Variants in TANK observed in about 807,000 individuals in gnomAD.
TANK encodes TRAF family member-associated NF-kappa-B activator.
In TANK, 15 loss-of-function variants were observed where a neutral mutation model predicts 43.6. That is an observed-to-expected ratio of 0.34 (90% CI 0.23 to 0.53). The LOEUF (loss-of-function observed/expected upper bound fraction) is 0.53, where lower values mean the gene tolerates loss of function less well. TANK is among the 20% of genes least tolerant of loss of function. The probability of loss-of-function intolerance (pLI) is 0.94; values close to 1 mark genes in which losing one functional copy is unlikely to be tolerated. For synonymous variants in TANK, 162 were observed against 178.2 expected (o/e 0.91, Z 0.73); for missense variants, 417 against 498.6 (o/e 0.84, Z 1.56).
chr2:161,232,645 GT>G, intron 7 of TANK: 1 of 1,376,396 alleles, frequency 7.3e-7, no homozygotes, highest in East Asian at 2.6e-5. Context: ...TTTATTGCAA[GT>G]AGAATTCCTG....
intron 3 of TANK, among the ~76,000 whole-genome samples, chr2:161,204,358 G>A (rs1385554205): frequency 6.6e-5 from 10 of 152,198 alleles, no homozygotes; most frequent in Middle Eastern, 6.8e-3. Context: ...AATAAGAAAC[G>A]CATACCTGAA....
intron 1 of TANK, chr2:161,161,034 C>G: frequency 1.8e-6 from 1 of 545,698 alleles, no homozygotes; most frequent in Non-Finnish European, 3.2e-6. Context: ...CAGAGGGTCA[C>G]GGAGGGAGTG....
Position 161,183,386 on chromosome 2 carries a change from A to G in TANK, c.99+3625A>G, listed in dbSNP as rs528311567. Among the ~76,000 whole-genome samples, 5 of 152,284 alleles carry G rather than the reference A, an allele frequency of 3.3e-5. No homozygotes were observed. The East Asian group carries it at 5.8e-4, about 18-fold the overall frequency. ...TTTTTTTTCAGTTCAGGTTTAAGACATAACTACTTTTGTAGAAAGCAAAAA... is the reference window on the plus strand; with the variant it reads ...TTTTTTTTCAGTTCAGGTTTAAGACGTAACTACTTTTGTAGAAAGCAAAAA... On this transcript the variant is annotated intron_variant, in intron 2 of 7. Coordinates refer to ENST00000392749, the MANE Select transcript of TANK (RefSeq NM_001199135.3).
chr2:161,201,000 C>A, intron 2 of TANK: 1 of 592,180 alleles, frequency 1.7e-6, no homozygotes, highest in Non-Finnish European at 2.1e-6. Flanking sequence ...GGAGGAAATA[C>A]TCTCTACCCT....
At chr2:161,230,017 G>C (rs1687829285) in intron 6 of TANK, among the ~76,000 whole-genome samples, 1 of 152,084 alleles carries the variant, frequency 6.6e-6, no homozygotes, top group Admixed American at 6.6e-5. Context: ...CAGCTTCTTT[G>C]TCTTTCTTAT....
intron 4 of TANK, chr2:161,207,336 C>T: frequency 8.7e-6 from 8 of 922,114 alleles, no homozygotes; most frequent in Non-Finnish European, 1.0e-5. Flanking sequence ...AGCGAGTTCT[C>T]TTAATTATCT....
chr2:161,213,395 G>A (rs898262134), intron 4 of TANK, among the ~76,000 whole-genome samples: 30 of 152,206 alleles, frequency 2.0e-4, no homozygotes, highest in African/African-American at 7.2e-4. Context: ...TTGAGGTCAG[G>A]AGTTTGAGAC....
intron 4 of TANK, among the ~76,000 whole-genome samples, chr2:161,206,305 C>T (rs187621608): frequency 4.1e-4 from 63 of 152,004 alleles, no homozygotes; most frequent in Non-Finnish European, 6.9e-4. Context: ...TTTAGTGGGA[C>T]GATACATATT....
chr2:161,203,725 T>C, intron 3 of TANK, 130 bp downstream of exon 3: 1 of 591,992 alleles, frequency 1.7e-6, no homozygotes, highest in East Asian at 2.9e-5. Context: ...GGTACAGTTA[T>C]ATGTTATGTT....
Position 161,143,142 on chromosome 2 carries a change from G to A in TANK, c.-50+6079G>A, listed in dbSNP as rs138280809. Among the ~76,000 whole-genome samples, 89 of 152,070 alleles carry A rather than the reference G, an allele frequency of 5.9e-4. 3 individuals carry two copies. The East Asian group carries it at 0.017, about 28-fold the overall frequency. On this transcript the variant is annotated intron_variant, in intron 1 of 7. Transcript: ENST00000259075. ...TCTGCTTGTCTATTATTGGTGTATA[G>A]GAATGCTTGTGATTTTTGCACACTG...
Position 161,236,177 on chromosome 2 carries a change from T to C in TANK, c.*659T>C, listed in dbSNP as rs191328664. The C allele has an allele frequency of 4.0e-5, 6 of 150,238 alleles. No homozygotes were observed. Among genetic ancestry groups the C allele is most frequent in the African/African-American group, 7.3e-5 (3 of 40,842 alleles). 9.3% of individuals were successfully genotyped at this position (150,238 alleles called of 1,614,324 possible). On this transcript the variant is annotated 3_prime_UTR_variant, in exon 8 of 8. Transcript: ENST00000392749. ...TTAATTAAATATTAAGAGGTACTTATGTTGTGATCATTTGTATGTCCTTTG... is the reference window on the plus strand; with the variant it reads ...TTAATTAAATATTAAGAGGTACTTACGTTGTGATCATTTGTATGTCCTTTG...
At chr2:161,184,028 G>C (rs1279865322) in intron 2 of TANK, among the ~76,000 whole-genome samples, 1 of 152,010 alleles carries the variant, frequency 6.6e-6, no homozygotes, top group East Asian at 1.9e-4. Context: ...AATGTGAGTC[G>C]ATACTTGAGC....
intron 4 of TANK, chr2:161,216,517 A>G (rs1189367527): frequency 7.1e-6 from 3 of 424,842 alleles, no homozygotes; most frequent in South Asian, 3.5e-5. Flanking sequence ...TTTTTGATAA[A>G]TGTTCATTCC....
intron 2 of TANK, among the ~76,000 whole-genome samples, chr2:161,196,350 A>T (rs1686148467): frequency 6.6e-6 from 1 of 152,132 alleles, no homozygotes; most frequent in Admixed American, 6.5e-5. Flanking sequence ...TAGAAGAGAG[A>T]TCTAAGCTAG....
chr2:161,137,256 G>A (rs1291086336), intron 1 of TANK: 3 of 984,846 alleles, frequency 3.0e-6, no homozygotes, highest in Admixed American at 6.2e-5. Context: ...GGACGTGGTG[G>A]GTCATGCCTA....
chr2:161,181,549 A>T (rs1231651306), intron 2 of TANK, among the ~76,000 whole-genome samples: 7 of 152,202 alleles, frequency 4.6e-5, no homozygotes, highest in Non-Finnish European at 8.8e-5. Context: ...GGAAACTTAC[A>T]ATCATGGCAG....
rs528012756 is a variant in TANK at position 161,171,892 on chromosome 2, C to T, written c.-49-7722C>T. Among the ~76,000 whole-genome samples, 3 of 152,238 alleles carry T rather than the reference C, an allele frequency of 2.0e-5. 1 individual carries two copies. The highest frequency in any genetic ancestry group is 4.1e-4 in the South Asian group (2 of 4,824). ...GTTTTGGGGGACCTTTTTGAGATTA[C>T]TGAAAATATTTTTTTTCAAACTTTT... On this transcript the variant is annotated intron_variant, in intron 1 of 7. Transcript: ENST00000392749.
At chr2:161,204,251 A>T (rs1252187229) in intron 3 of TANK, among the ~76,000 whole-genome samples, 1 of 152,198 alleles carries the variant, frequency 6.6e-6, no homozygotes, top group African/African-American at 2.4e-5. Flanking sequence ...CAGGTGATAA[A>T]AATTTGGGTA....
intron 1 of TANK, chr2:161,139,800 A>G (rs1683689020): frequency 1.0e-6 from 1 of 985,318 alleles, no homozygotes; most frequent in Admixed American, 6.1e-5. Flanking sequence ...CATAGCAGCC[A>G]AATAAACAAA....
Sources: allele counts gnomAD v4.1 joint callset (sites outside exome capture counted in the v4.1 genomes callset), GRCh38; gene constraint gnomAD v4.1.1; transcripts MANE v1.5; gene names NCBI Gene and HGNC (gene_info 2026-07-23, HGNC 2026-07-21).